The following SLC39A11 variants were observed in gnomAD, a reference collection of about 807,000 sequenced individuals.
SLC39A11 encodes solute carrier family 39 member 11.
Under a neutral mutation model 36.1 loss-of-function variants are expected in SLC39A11, and 33 were observed. That is an observed-to-expected ratio of 0.91 (90% CI 0.69 to 1.22). SLC39A11 has a LOEUF of 1.22. Among genes scored for constraint, SLC39A11 ranks in the 50% most tolerant of loss-of-function variants. The pLI, the probability that SLC39A11 is intolerant of heterozygous loss-of-function variation, is 0.00. For synonymous variants in SLC39A11, 166 were observed against 170.3 expected (o/e 0.97, Z 0.20); for missense variants, 432 against 430.3 (o/e 1.00, Z -0.03).
At chr17:72,941,770 C>A (rs556700486) in intron 5 of SLC39A11, among the ~76,000 whole-genome samples, 1 of 152,076 alleles carries the variant, frequency 6.6e-6, no homozygotes. Flanking sequence ...TATCCAGATG[C>A]GAAAAAGCTT....
intron 5 of SLC39A11, among the ~76,000 whole-genome samples, chr17:72,911,812 T>G (rs974251823): frequency 6.6e-6 from 1 of 152,054 alleles, no homozygotes; most frequent in African/African-American, 2.4e-5. Flanking sequence ...TCCGGTTAAT[T>G]TTTGTATTTT....
At chr17:72,891,205 C>T (rs991980256) in intron 5 of SLC39A11, among the ~76,000 whole-genome samples, 2 of 151,926 alleles carry the variant, frequency 1.3e-5, no homozygotes, top group Non-Finnish European at 2.9e-5. Context: ...GTGGATCACC[C>T]GAGGTCAGGA....
intron 5 of SLC39A11, among the ~76,000 whole-genome samples, chr17:72,896,312 G>A (rs979099295): frequency 4.9e-5 from 7 of 141,748 alleles, no homozygotes; most frequent in Admixed American, 7.7e-5. Flanking sequence ...AGTGATTCTC[G>A]TGCCTCAACC....
intron 4 of SLC39A11, among the ~76,000 whole-genome samples, chr17:72,983,324 T>C (rs2088475245): frequency 6.6e-6 from 1 of 152,106 alleles, no homozygotes; most frequent in Non-Finnish European, 1.5e-5. Flanking sequence ...TAATTTTGTA[T>C]TTTTAGTAGA....
intron 5 of SLC39A11, among the ~76,000 whole-genome samples, chr17:72,937,438 G>C (rs1435017602): frequency 1.3e-5 from 2 of 150,672 alleles, no homozygotes; most frequent in African/African-American, 4.8e-5. Context: ...CTGGGCAACA[G>C]AGAGAGAGAG....
chr17:72,708,882 A>G (rs2072998639), intron 7 of SLC39A11, among the ~76,000 whole-genome samples: 1 of 151,784 alleles, frequency 6.6e-6, no homozygotes, highest in Non-Finnish European at 1.5e-5. Context: ...CTCATAACGC[A>G]TGAACTTTGC....
chr17:72,910,975 C>T (rs1598385739), intron 5 of SLC39A11, among the ~76,000 whole-genome samples: 1 of 150,914 alleles, frequency 6.6e-6, no homozygotes, highest in East Asian at 1.9e-4. Context: ...AGAATAATAC[C>T]AACCATAGCA....
At chr17:72,667,443 T>C (rs2070806246) in intron 7 of SLC39A11, among the ~76,000 whole-genome samples, 1 of 152,198 alleles carries the variant, frequency 6.6e-6, no homozygotes, top group Non-Finnish European at 1.5e-5. Flanking sequence ...TGGACTTGCT[T>C]TCTAGCTAGC....
intron 5 of SLC39A11, among the ~76,000 whole-genome samples, chr17:72,911,751 C>CGA (rs2083015143): frequency 6.6e-6 from 1 of 151,738 alleles, no homozygotes; most frequent in African/African-American, 2.4e-5. Context: ...TCAAGCAATT[C>CGA]TACCACCTCA....
intron 7 of SLC39A11, among the ~76,000 whole-genome samples, chr17:72,653,109 T>C (rs200525267): frequency 2.2e-5 from 2 of 91,296 alleles, no homozygotes; most frequent in African/African-American, 4.8e-5. Context: ...GCTTTTTTTT[T>C]CTTTTTTTTT....
intron 7 of SLC39A11, among the ~76,000 whole-genome samples, chr17:72,691,625 A>T (rs2072033215): frequency 6.6e-6 from 1 of 152,226 alleles, no homozygotes; most frequent in Non-Finnish European, 1.5e-5. Context: ...TTTGAGATGA[A>T]TTCCACTAAC....
intron 4 of SLC39A11, among the ~76,000 whole-genome samples, chr17:72,956,215 T>C (rs1024525414): frequency 1.4e-4 from 22 of 152,238 alleles, no homozygotes; most frequent in Admixed American, 1.2e-3. Context: ...CTAGCTATAT[T>C]TAAGCTACAT....
chr17:72,696,661 C>T (rs769542865), intron 7 of SLC39A11, among the ~76,000 whole-genome samples: 7 of 152,342 alleles, frequency 4.6e-5, no homozygotes, highest in Non-Finnish European at 8.8e-5. Context: ...TTCCAATCTA[C>T]TGCCACACCC....
chr17:72,836,579 G>T (rs548613716), intron 6 of SLC39A11, among the ~76,000 whole-genome samples: 1 of 152,052 alleles, frequency 6.6e-6, no homozygotes, highest in Non-Finnish European at 1.5e-5. Context: ...AGGTTCAAGC[G>T]ATTCACCTGC....
chr17:72,674,261 A>G (rs1024526327), intron 7 of SLC39A11, among the ~76,000 whole-genome samples: 7 of 151,796 alleles, frequency 4.6e-5, no homozygotes, highest in Non-Finnish European at 8.8e-5. Flanking sequence ...ATTTTCTTAT[A>G]TCTCCTTCCT....
chr17:72,739,058 T>C (rs2074556590), intron 6 of SLC39A11, among the ~76,000 whole-genome samples: 1 of 152,136 alleles, frequency 6.6e-6, no homozygotes, highest in South Asian at 2.1e-4. Flanking sequence ...TTTTACCTTT[T>C]GTGCTTGATC....
chr17:72,672,783 T>C (rs921498262), intron 7 of SLC39A11, among the ~76,000 whole-genome samples: 4 of 152,070 alleles, frequency 2.6e-5, no homozygotes, highest in Non-Finnish European at 5.9e-5. Flanking sequence ...TATTTTTTGG[T>C]AGAGACAAGG....
At chr17:72,951,261 C>CAAAAAAAAAAAAAAAAAAAAA (rs61453793) in intron 4 of SLC39A11, among the ~76,000 whole-genome samples, 1 of 86,992 alleles carries the variant, frequency 1.1e-5, no homozygotes, top group Admixed American at 1.3e-4. Flanking sequence ...GACCCTGTTG[C>CAAAAAAAAAAAAAAAAAAAAA]AAAAAAAAAA....
At chr17:72,649,077 G>T in intron 8 of SLC39A11, 93 bp downstream of exon 8, 1 of 1,537,674 alleles carries the variant, frequency 6.5e-7, no homozygotes, top group East Asian at 2.3e-5. Context: ...CGTCATATCT[G>T]AGCATGGCAG....
Sources: allele counts gnomAD v4.1 joint callset (sites outside exome capture counted in the v4.1 genomes callset), GRCh38; gene constraint gnomAD v4.1.1; transcripts MANE v1.5; gene names NCBI Gene and HGNC (gene_info 2026-07-23, HGNC 2026-07-21).